DNAH17: variants seen among roughly 807,000 people sequenced by gnomAD.
The protein encoded by DNAH17 is dynein axonemal heavy chain 17.
In DNAH17, 376 loss-of-function variants were observed where a neutral mutation model predicts 485.6. That is an observed-to-expected ratio of 0.77 (90% CI 0.71 to 0.84). The LOEUF (loss-of-function observed/expected upper bound fraction) is 0.84, where lower values mean the gene tolerates loss of function less well. Ranked by LOEUF, DNAH17 falls within the 40% of genes least tolerant of loss-of-function variation. The pLI, the probability that DNAH17 is intolerant of heterozygous loss-of-function variation, is 0.00. For synonymous variants in DNAH17, 3,031 were observed against 2,405.9 expected, an observed-to-expected ratio of 1.26 and a Z score of -7.60; for missense variants, 6,370 against 5,839.3, an observed-to-expected ratio of 1.09 and a Z score of -2.96.
rs550288219 is a variant in DNAH17, at chr17:78,512,523, G to A, written c.4114-2017C>T. The stretch of plus-strand genomic sequence containing the variant: ...GCCACTTTGGCTTAAGGTTTATTTT[G>A]AGCTGAAGGCACTTGAGAAGAAGCA... On this transcript the variant is annotated intron_variant, in intron 26 of 80. Transcript: ENST00000389840. Among the ~76,000 whole-genome samples the A allele has an allele frequency of 1.2e-4, 18 of 152,238 alleles. No individual in the cohort carries two copies. In the East Asian group the frequency reaches 3.3e-3, roughly 28 times the overall value.
intron 48 of DNAH17, among the ~76,000 whole-genome samples, chr17:78,481,152 G>T (rs2146623865): frequency 6.7e-6 from 1 of 148,476 alleles, no homozygotes; most frequent in South Asian, 2.2e-4. Flanking sequence ...ACTCAGGCCG[G>T]AGTGCAGTGG....
At position 78,484,836 on chromosome 17, in the gene DNAH17, A is replaced by T. The variant is rs1291838477; in HGVS notation, c.7649+32T>A. ...GCCCCGCCCTCACCGCCCCGGGGCCACGCCTTCCCCTCCGGCCCCGCCCCG... is the reference window on the plus strand; with the variant it reads ...GCCCCGCCCTCACCGCCCCGGGGCCTCGCCTTCCCCTCCGGCCCCGCCCCG... On this transcript the variant is annotated intron_variant, in intron 48 of 80. Transcript: ENST00000389840. 6 of 1,299,478 alleles carry T rather than the reference A, an allele frequency of 4.6e-6. No homozygotes were observed. In the African/African-American group the frequency reaches 4.8e-5, roughly 10 times the overall value. 80.5% of individuals were successfully genotyped at this position (1,299,478 alleles called of 1,614,324 possible).
chr17:78,430,552 C>G (rs190555319), intron 75 of DNAH17, among the ~76,000 whole-genome samples: 1 of 152,292 alleles, frequency 6.6e-6, no homozygotes, highest in East Asian at 1.9e-4. Context: ...GATTTGGTCT[C>G]ATGAATTTAT....
At position 78,424,027 on chromosome 17, in the gene DNAH17, T is replaced by G. The variant is rs553733191; in HGVS notation, c.13268A>C (p.Glu4423Ala). 160 of 1,614,060 alleles carry G rather than the reference T, an allele frequency of 9.9e-5. No homozygotes were observed. Among genetic ancestry groups the G allele is most frequent in the Non-Finnish European group, 1.3e-4 (158 of 1,179,912 alleles). The change falls in exon 81 of 81, where the codon GAG becomes GCG. Residue 4423 changes from glutamate to alanine, a missense_variant. Transcript: ENST00000389840. ...VDRMETKNIYECPVYKTRIRG... is the reference protein window; with the variant it reads ...VDRMETKNIYACPVYKTRIRG... ...GATGCGTGTTTTGTACACGGGACACTCATAGATGTTCTTGGTCTCCATGCG... is the reference window on the plus strand; with the variant it reads ...GATGCGTGTTTTGTACACGGGACACGCATAGATGTTCTTGGTCTCCATGCG...
At chr17:78,548,876 G>A (rs534959137) in intron 16 of DNAH17, among the ~76,000 whole-genome samples, 1 of 152,378 alleles carries the variant, frequency 6.6e-6, no homozygotes, top group Admixed American at 6.5e-5. Flanking sequence ...GTTCTCCCCG[G>A]CTCTGCTTCC....
At chr17:78,466,240 G>C (rs976819004) in intron 56 of DNAH17, among the ~76,000 whole-genome samples, 13 of 152,206 alleles carry the variant, frequency 8.5e-5, no homozygotes, top group East Asian at 1.9e-4. Context: ...CAGCATGCTC[G>C]TTAAGAGTCA....
chr17:78,496,098 T>C, intron 37 of DNAH17, 66 bp from the exon 38 acceptor site: 1 of 1,513,538 alleles, frequency 6.6e-7, no homozygotes, highest in Non-Finnish European at 8.9e-7. Context: ...CAGAGAGGCC[T>C]TCACATATGT....
chr17:78,438,458 A>AGGAGGG (rs2086939836), intron 73 of DNAH17, among the ~76,000 whole-genome samples: 2 of 86,008 alleles, frequency 2.3e-5, no homozygotes, highest in Non-Finnish European at 2.4e-5. Context: ...AGGAGGGAGG[A>AGGAGGG]GGAGGAGGAG....
At chr17:78,533,913 T>C (rs1178206325) in intron 19 of DNAH17, among the ~76,000 whole-genome samples, 1 of 152,150 alleles carries the variant, frequency 6.6e-6, no homozygotes, top group Non-Finnish European at 1.5e-5. Context: ...CTCAAACTCC[T>C]GACCTCAGGT....
At chr17:78,469,672 G>C (rs573569340) in intron 54 of DNAH17, among the ~76,000 whole-genome samples, 2 of 152,188 alleles carry the variant, frequency 1.3e-5, no homozygotes, top group African/African-American at 4.8e-5. Context: ...GACAACCCAA[G>C]TGTCCATCCA....
chr17:78,425,069 C>G (rs2086375171), intron 80 of DNAH17: 1 of 335,056 alleles, frequency 3.0e-6, no homozygotes, highest in Non-Finnish European at 5.5e-6. Context: ...GTCGGAGCTG[C>G]TCTCTCACAA....
At position 78,495,928 on chromosome 17, in the gene DNAH17, G is replaced by A. The variant is rs746797874; in HGVS notation, c.5850C>T (p.Asn1950=). 18 of 1,613,862 alleles carry A rather than the reference G, an allele frequency of 1.1e-5. No homozygotes were observed. The South Asian group carries it at 1.6e-4, about 15-fold the overall frequency. Residue 1950 remains asparagine (N), a synonymous_variant, in exon 38 of 81, where the codon AAC becomes AAT. Coordinates refer to ENST00000389840, the MANE Select transcript of DNAH17 (RefSeq NM_173628.4). ...IPTVGIFITM[N]PGYAGRAELP... is the part of the protein sequence containing the mutation. ...GCTCCGCGCGTCCGGCGTACCCAGG[G>A]TTCATGGTGATGAAGATACCGACGG...
chr17:78,483,198 C>T (rs990633476), intron 48 of DNAH17, among the ~76,000 whole-genome samples: 6 of 152,230 alleles, frequency 3.9e-5, no homozygotes, highest in Admixed American at 2.6e-4. Context: ...TTGTCACCTC[C>T]CCCAGGGAGC....
chr17:78,461,758 A>T, intron 57 of DNAH17, 50 bp from the exon 58 acceptor site: 1 of 1,563,590 alleles, frequency 6.4e-7, no homozygotes, highest in East Asian at 2.3e-5. Flanking sequence ...CAGCCGACAC[A>T]CGCCGCCCTG....
intron 72 of DNAH17, among the ~76,000 whole-genome samples, chr17:78,440,822 A>G (rs1175489737): frequency 6.6e-6 from 1 of 152,194 alleles, no homozygotes; most frequent in Non-Finnish European, 1.5e-5. Context: ...ACTGTTTTCC[A>G]CAGCAGCGGC....
rs1282855966 is a variant in DNAH17 at position 78,462,720 on chromosome 17, T to TCATCTTACTTTAGGCAGTGCTGAGCC, written c.9174+98_9174+123dup. On this transcript the variant is annotated intron_variant, in intron 57 of 80. Transcript: ENST00000389840. The stretch of plus-strand genomic sequence containing the variant: ...TGCTTCTCAAAGGCAGGAAGCGTGC[T>TCATCTTACTTTAGGCAGTGCTGAGCC]CATCTTACTTTAGGCAGTGCTGAGC... 9.2e-6 allele frequency: 8 copies of TCATCTTACTTTAGGCAGTGCTGAGCC among 871,554 alleles called. No individual in the cohort carries two copies. The African/African-American group carries it at 1.4e-4, about 15-fold the overall frequency. 54.0% of individuals were successfully genotyped at this position (871,554 alleles called of 1,614,324 possible).
At position 78,423,780 on chromosome 17, in the gene DNAH17, C is replaced by T. The variant is rs2086201352; in HGVS notation, c.*126G>A. The stretch of plus-strand genomic sequence containing the variant: ...GGTTCCGATGTGCTTGGTTACAAAG[C>T]ACCTGATTATTTAAGAGAACGAAAA... On this transcript the variant is annotated 3_prime_UTR_variant, in exon 81 of 81. Coordinates refer to ENST00000389840, the MANE Select transcript of DNAH17 (RefSeq NM_173628.4). The T allele has an allele frequency of 1.2e-5, 15 of 1,273,296 alleles. No homozygotes were observed. Among genetic ancestry groups the T allele is most frequent in the Admixed American group, 4.1e-5 (2 of 49,098 alleles). The allele number at this position is 1,273,296 out of a possible 1,614,324, so 78.9% of individuals were successfully genotyped here. A position where few individuals can be genotyped will look rare whatever the true frequency, so the allele number is the denominator to read the frequency against.
Position 78,434,101 on chromosome 17 carries a change from CG to C in DNAH17, c.12152del (p.Ser4051CysfsTer114), listed in dbSNP as rs1568045386. On this transcript the variant is annotated frameshift_variant, in exon 75 of 81. Transcript: ENST00000389840. LOFTEE classifies it high-confidence loss of function. ...RKFGAQGWNRSYPFNNGDLTI... is the reference protein window; with the variant it reads ...RKFGAQGWNRXYPFNNGDLTI... ...TGAGGTCCCCGTTGTTGAAGGGGTACGACCGGTTCCAGCCCTGGGCGCCGAA... is the reference window on the plus strand; with the variant it reads ...TGAGGTCCCCGTTGTTGAAGGGGTACACCGGTTCCAGCCCTGGGCGCCGAA... 6.2e-7 allele frequency: 1 copy of C among 1,613,476 alleles called. No individual in the cohort carries two copies. The highest frequency in any genetic ancestry group is 8.5e-7 in the Non-Finnish European group (1 of 1,179,830).
At chr17:78,454,176 G>T (rs1158673848) in intron 64 of DNAH17, among the ~76,000 whole-genome samples, 4 of 152,206 alleles carry the variant, frequency 2.6e-5, no homozygotes, top group Non-Finnish European at 5.9e-5. Context: ...CCAGGAACAT[G>T]ACCAGCCTCA....
Sources: allele counts gnomAD v4.1 joint callset (sites outside exome capture counted in the v4.1 genomes callset), GRCh38; gene constraint gnomAD v4.1.1; transcripts MANE v1.5; gene names NCBI Gene and HGNC (gene_info 2026-07-23, HGNC 2026-07-21).